Variants in PCDHA13 observed in about 807,000 individuals in gnomAD.
The protein encoded by PCDHA13 is protocadherin alpha 13, also known as protocadherin alpha-13.
In PCDHA13, 54 loss-of-function variants were observed where a neutral mutation model predicts 64.8. That is an observed-to-expected ratio of 0.83 (90% confidence interval 0.67 to 1.04). The LOEUF (loss-of-function observed/expected upper bound fraction) is 1.04. Among genes scored for constraint, PCDHA13 ranks in the 50% least tolerant of loss-of-function variants. The pLI, the probability that PCDHA13 is intolerant of heterozygous loss-of-function variation, is 0.00. For synonymous variants in PCDHA13, 587 were observed against 564.4 expected (o/e 1.04, Z -0.57); for missense variants, 1,248 against 1,254.3 (o/e 0.99, Z 0.08).
intron 1 of PCDHA13, among the ~76,000 whole-genome samples, chr5:140,898,272 A>T (rs13177412): frequency 6.6e-6 from 1 of 152,110 alleles, no homozygotes; most frequent in Non-Finnish European, 1.5e-5. Flanking sequence ...CCCATGCCTA[A>T]GTTCTGAATG....
intron 1 of PCDHA13, among the ~76,000 whole-genome samples, chr5:140,970,589 C>T (rs74994687): frequency 6.6e-6 from 1 of 152,198 alleles, no homozygotes; most frequent in East Asian, 1.9e-4. Flanking sequence ...CAGAGATATG[C>T]TTTGTGATAC....
chr5:140,940,903 A>T (rs1177865937), intron 1 of PCDHA13, among the ~76,000 whole-genome samples: 1 of 152,242 alleles, frequency 6.6e-6, no homozygotes, highest in Admixed American at 6.5e-5. Context: ...CTTTAAATCA[A>T]GTTCAAGACT....
chr5:140,984,641 C>T (rs2153834832), intron 3 of PCDHA13, among the ~76,000 whole-genome samples: 1 of 152,276 alleles, frequency 6.6e-6, no homozygotes, highest in South Asian at 2.1e-4. Context: ...TCTCTGCCTT[C>T]TCCCTGTCCT....
chr5:140,994,428 C>T lies in PCDHA13; in HGVS notation c.2542+11865C>T, dbSNP rs183026150. Among the ~76,000 whole-genome samples, 15 of 152,198 alleles carry T rather than the reference C, an allele frequency of 9.9e-5. No individual in the cohort carries two copies. The South Asian group carries it at 1.2e-3, about 13-fold the overall frequency. On this transcript the variant is annotated intron_variant, in intron 3 of 3. Transcript: ENST00000289272. ...TTTAATACTGGATATTGAGGCCGGGCGCAGTGGCTCACACCTGTGATCCCA... is the reference window on the plus strand; with the variant it reads ...TTTAATACTGGATATTGAGGCCGGGTGCAGTGGCTCACACCTGTGATCCCA...
chr5:140,927,805 C>T (rs2084654444), intron 1 of PCDHA13: 1 of 1,614,074 alleles, frequency 6.2e-7, no homozygotes, highest in South Asian at 1.1e-5. Context: ...GCCTGAAACG[C>T]TCTTGGAGGC....
At chr5:140,909,977 G>A (rs1554194042) in intron 1 of PCDHA13, among the ~76,000 whole-genome samples, 2 of 152,214 alleles carry the variant, frequency 1.3e-5, no homozygotes, top group African/African-American at 4.8e-5. Flanking sequence ...AAGGATGGGA[G>A]AAAGACTAAC....
chr5:140,883,959 C>T lies in PCDHA13; in HGVS notation c.1691C>T (p.Ala564Val), dbSNP rs782366148. The change falls in exon 1 of 4, where the codon GCG (alanine) becomes GTG (valine). Residue 564 changes from alanine (A) to valine (V), a missense_variant. Transcript: ENST00000289272. ...CTGGACGAGAACGACAACGCTCCGG[C>T]GCTGCTGACGCCCGGGGCTGGCAGC... ...FVLDENDNAP[A>V]LLTPGAGSAG... is the part of the protein sequence containing the mutation. 2.5e-6 allele frequency: 4 copies of T among 1,613,092 alleles called. No individual in the cohort carries two copies. The highest frequency in any genetic ancestry group is 3.3e-5 in the Admixed American group (2 of 60,000).
intron 1 of PCDHA13, among the ~76,000 whole-genome samples, chr5:140,941,034 G>A (rs1384147296): frequency 6.6e-6 from 1 of 151,968 alleles, no homozygotes; most frequent in Non-Finnish European, 1.5e-5. Context: ...GGCCTTTTTG[G>A]TGCCAAGTCA....
At chr5:140,932,113 T>G (rs2088043197) in intron 1 of PCDHA13, among the ~76,000 whole-genome samples, 1 of 151,918 alleles carries the variant, frequency 6.6e-6, no homozygotes, top group South Asian at 2.1e-4. Flanking sequence ...TATTTCCAAT[T>G]GATAATATTT....
At chr5:140,911,663 T>G (rs2075591717) in intron 1 of PCDHA13, among the ~76,000 whole-genome samples, 1 of 152,206 alleles carries the variant, frequency 6.6e-6, no homozygotes, top group Non-Finnish European at 1.5e-5. Context: ...CTAAACTCCT[T>G]GCCTCTCACG....
intron 3 of PCDHA13, among the ~76,000 whole-genome samples, chr5:141,008,498 T>G (rs2098379874): frequency 6.6e-6 from 1 of 152,158 alleles, no homozygotes. Context: ...CTGGTATACT[T>G]TATGGTGTGT....
chr5:140,908,754 A>C (rs1403008536), intron 1 of PCDHA13, among the ~76,000 whole-genome samples: 1 of 152,184 alleles, frequency 6.6e-6, no homozygotes, highest in Non-Finnish European at 1.5e-5. Context: ...ACTTGCACAC[A>C]GCCTGGACGT....
chr5:140,968,363 G>T (rs1448494733), intron 1 of PCDHA13: 1 of 1,614,090 alleles, frequency 6.2e-7, no homozygotes, highest in East Asian at 2.2e-5. Context: ...CAGCCTTTAT[G>T]CTGTCAACTC....
intron 1 of PCDHA13, among the ~76,000 whole-genome samples, chr5:140,891,891 A>G (rs1278331991): frequency 5.9e-5 from 9 of 152,214 alleles, no homozygotes; most frequent in Admixed American, 5.9e-4. Flanking sequence ...GTGACGATGC[A>G]GCAAGAAGAT....
At chr5:140,967,464 G>T (rs781900904) in intron 1 of PCDHA13, 1 of 1,613,504 alleles carries the variant, frequency 6.2e-7, no homozygotes, top group Non-Finnish European at 8.5e-7. Context: ...GTGGATGGGG[G>T]CATCCCAGCC....
intron 1 of PCDHA13, among the ~76,000 whole-genome samples, chr5:140,925,385 C>G (rs559735505): frequency 6.4e-4 from 97 of 152,144 alleles, no homozygotes; most frequent in Non-Finnish European, 1.2e-3. Context: ...AATGAGTCTC[C>G]TTTTGGCTCG....
At chr5:140,967,989 T>G (rs781892084) in intron 1 of PCDHA13, 2 of 1,614,228 alleles carry the variant, frequency 1.2e-6, no homozygotes, top group Non-Finnish European at 1.7e-6. Flanking sequence ...GAGGCCACAC[T>G]GCCTTTCCGA....
chr5:140,919,529 TC>T (rs2079177812), intron 1 of PCDHA13, among the ~76,000 whole-genome samples: 1 of 152,196 alleles, frequency 6.6e-6, no homozygotes. Context: ...TCTCTTTTTT[TC>T]CTATACTTTT....
chr5:140,962,569 T>A (rs782016565), intron 1 of PCDHA13, among the ~76,000 whole-genome samples: 17 of 152,194 alleles, frequency 1.1e-4, no homozygotes, highest in African/African-American at 1.7e-4. Context: ...TAAAAGCCAA[T>A]TGTTAATGCC....
Sources: gnomAD v4.1 joint callset for allele counts (sites outside exome capture counted in the v4.1 genomes callset) on GRCh38, gnomAD v4.1.1 for gene constraint, MANE v1.5 for transcripts, NCBI Gene and HGNC (gene_info 2026-07-23, HGNC 2026-07-21) for gene names.